The following PCCA variants were observed in gnomAD, a reference collection of about 807,000 sequenced individuals.
PCCA encodes propionyl-CoA carboxylase subunit alpha.
Under a neutral mutation model 101.3 loss-of-function variants are expected in PCCA, and 74 were observed. The observed-to-expected ratio is 0.73, with a 90% confidence interval of 0.61 to 0.89. The LOEUF (loss-of-function observed/expected upper bound fraction) is 0.89. PCCA is among the 40% of genes least tolerant of loss of function. PCCA has a pLI of 0.00. For missense variants in PCCA, 891 were observed against 907.0 expected (o/e 0.98, Z 0.23); for synonymous variants, 294 against 313.6 (o/e 0.94, Z 0.66).
chr13:100,408,721 G>A (rs1447977097), intron 19 of PCCA, among the ~76,000 whole-genome samples: 2 of 152,178 alleles, frequency 1.3e-5, no homozygotes, highest in Non-Finnish European at 2.9e-5. Flanking sequence ...CCCTCAGGAT[G>A]TAAAACAAGA....
chr13:100,352,041 G>A (rs1201392043), intron 18 of PCCA, among the ~76,000 whole-genome samples: 4 of 151,600 alleles, frequency 2.6e-5, no homozygotes, highest in Non-Finnish European at 5.9e-5. Context: ...AAAAGTCAAG[G>A]GAATTAAAAT....
At chr13:100,287,531 A>T (rs1311387161) in intron 12 of PCCA, among the ~76,000 whole-genome samples, 1 of 152,144 alleles carries the variant, frequency 6.6e-6, no homozygotes, top group Non-Finnish European at 1.5e-5. Flanking sequence ...ATTTTCCTTC[A>T]TATTTCAATC....
At chr13:100,437,184 C>G (rs563895746) in intron 20 of PCCA, among the ~76,000 whole-genome samples, 23 of 152,168 alleles carry the variant, frequency 1.5e-4, no homozygotes, top group Admixed American at 1.1e-3. Context: ...TCTCACTGTC[C>G]GTTGCTGGGT....
intron 12 of PCCA, among the ~76,000 whole-genome samples, chr13:100,276,884 A>G (rs892021819): frequency 1.6e-4 from 25 of 152,336 alleles, no homozygotes; most frequent in South Asian, 2.1e-4. Flanking sequence ...TCTTATGACT[A>G]CTTGTATTAA....
At chr13:100,098,037 A>G (rs1408182387) in intron 1 of PCCA, among the ~76,000 whole-genome samples, 1 of 151,790 alleles carries the variant, frequency 6.6e-6, no homozygotes, top group East Asian at 1.9e-4. Context: ...AAAAAAAAGT[A>G]CAATGAAGCT....
chr13:100,433,333 G>A (rs1414508265), intron 20 of PCCA, among the ~76,000 whole-genome samples: 1 of 152,078 alleles, frequency 6.6e-6, no homozygotes, highest in Non-Finnish European at 1.5e-5. Context: ...TCCTATTGGG[G>A]GTGAAGTGGT....
chr13:100,173,120 A>G (rs557556712), intron 6 of PCCA, among the ~76,000 whole-genome samples: 19 of 152,334 alleles, frequency 1.2e-4, no homozygotes, highest in African/African-American at 4.6e-4. Flanking sequence ...GCTGTCTGTA[A>G]AAGTTCTGCT....
chr13:100,291,711 A>T (rs1428622171), intron 12 of PCCA, among the ~76,000 whole-genome samples: 1 of 152,216 alleles, frequency 6.6e-6, no homozygotes, highest in Non-Finnish European at 1.5e-5. Flanking sequence ...AGAGGCCTGG[A>T]AGAGCATATG....
intron 11 of PCCA, among the ~76,000 whole-genome samples, chr13:100,270,845 C>T (rs752901055): frequency 1.9e-4 from 29 of 151,766 alleles, no homozygotes; most frequent in Non-Finnish European, 3.5e-4. Flanking sequence ...CTCATCTTCA[C>T]AAAAAAGTAA....
intron 6 of PCCA, among the ~76,000 whole-genome samples, chr13:100,205,936 G>A (rs2058824335): frequency 1.3e-5 from 2 of 152,102 alleles, no homozygotes; most frequent in South Asian, 2.1e-4. Flanking sequence ...GTCCTGGTCC[G>A]AAATGATTCA....
chr13:100,357,188 A>G (rs1209482255), intron 18 of PCCA, among the ~76,000 whole-genome samples: 4 of 152,226 alleles, frequency 2.6e-5, no homozygotes, highest in Non-Finnish European at 5.9e-5. Flanking sequence ...GGTTAAATGT[A>G]TGATATGTGA....
At chr13:100,491,701 C>T (rs538719303) in intron 21 of PCCA, 67 of 1,302,876 alleles carry the variant, frequency 5.1e-5, no homozygotes, top group East Asian at 1.1e-4. Flanking sequence ...GAAGGTGCTG[C>T]GGCCTGGTGG....
At chr13:100,325,857 T>C (rs2068618604) in intron 16 of PCCA, among the ~76,000 whole-genome samples, 2 of 152,138 alleles carry the variant, frequency 1.3e-5, no homozygotes, top group African/African-American at 4.8e-5. Flanking sequence ...GTTCTTTTGA[T>C]ATGGACAGAG....
chr13:100,107,386 C>T (rs1472387470), intron 2 of PCCA, among the ~76,000 whole-genome samples: 6 of 152,134 alleles, frequency 3.9e-5, no homozygotes, highest in African/African-American at 1.4e-4. Context: ...CTGTGTTGTT[C>T]CTGTCACACT....
At chr13:100,307,334 C>T in intron 15 of PCCA, 74 bp downstream of exon 15, 1 of 979,852 alleles carries the variant, frequency 1.0e-6, no homozygotes, top group Non-Finnish European at 1.6e-6. Flanking sequence ...TGAAACTGGG[C>T]CTTTATCTGA....
At chr13:100,121,560 C>T (rs186415560) in intron 4 of PCCA, among the ~76,000 whole-genome samples, 7 of 151,676 alleles carry the variant, frequency 4.6e-5, no homozygotes, top group East Asian at 1.9e-4. Context: ...CTGTAACCTC[C>T]GCCTCCCAGG....
chr13:100,176,911 T>C (rs571772327), intron 6 of PCCA, among the ~76,000 whole-genome samples: 1 of 152,304 alleles, frequency 6.6e-6, no homozygotes, highest in Non-Finnish European at 1.5e-5. Flanking sequence ...AAATTTACCT[T>C]CTAGATGACT....
intron 7 of PCCA, among the ~76,000 whole-genome samples, chr13:100,222,611 ATTTTGGAATATCTTGGGTTTTT>A (rs1459543376): frequency 6.6e-6 from 1 of 152,228 alleles, no homozygotes; most frequent in Non-Finnish European, 1.5e-5. Flanking sequence ...ATAGTACCGA[ATTTTGGAATATCTTGGGTTTTT>A]AGCAACAGTT....
chr13:100,232,298 C>T (rs1289675914), intron 7 of PCCA, among the ~76,000 whole-genome samples: 1 of 151,308 alleles, frequency 6.6e-6, no homozygotes, highest in African/African-American at 2.4e-5. Flanking sequence ...TGTTCTTTCT[C>T]CCTGATCTTT....
Sources: allele counts gnomAD v4.1 joint callset (sites outside exome capture counted in the v4.1 genomes callset), GRCh38; gene constraint gnomAD v4.1.1; transcripts MANE v1.5; gene names NCBI Gene and HGNC (gene_info 2026-07-23, HGNC 2026-07-21).